The following INPP5A variants were observed in gnomAD, a reference collection of about 807,000 sequenced individuals.
INPP5A encodes inositol polyphosphate-5-phosphatase A, also known as 43 kDa inositol polyphosphate 5-phophatase.
Under a neutral mutation model 65.2 loss-of-function variants are expected in INPP5A, and 14 were observed. That is an observed-to-expected ratio of 0.21 (90% CI 0.14 to 0.34). INPP5A has a LOEUF of 0.34. Ranked by LOEUF, INPP5A falls within the 10% of genes least tolerant of loss-of-function variation. The pLI is 1.00. For missense variants in INPP5A, 431 were observed against 545.6 expected, an observed-to-expected ratio of 0.79 and a Z score of 2.09; for synonymous variants, 207 against 208.3, an observed-to-expected ratio of 0.99 and a Z score of 0.05.
chr10:132,764,683 G>A lies in INPP5A; in HGVS notation c.904-1090G>A, dbSNP rs576350987. ...TGTGCGTGGTGACACTCAGAAACACGGCCGGGTCAGTCCTGCTGTGGTGGG... is the reference window on the plus strand; with the variant it reads ...TGTGCGTGGTGACACTCAGAAACACAGCCGGGTCAGTCCTGCTGTGGTGGG... On this transcript the variant is annotated intron_variant, in intron 11 of 15. Transcript: ENST00000368594. Among the ~76,000 whole-genome samples, 130 of 132,786 alleles carry A rather than the reference G, an allele frequency of 9.8e-4. 1 individual carries two copies. The highest frequency in any genetic ancestry group is 5.6e-3 in the Middle Eastern group (1 of 180). 87.1% of individuals were successfully genotyped at this position (132,786 alleles called of 152,430 possible).
At chr10:132,654,952 C>A (rs2072634292) in intron 4 of INPP5A, among the ~76,000 whole-genome samples, 1 of 152,222 alleles carries the variant, frequency 6.6e-6, no homozygotes, top group Non-Finnish European at 1.5e-5. Flanking sequence ...CAGAAGGCAA[C>A]TTTTAATGCT....
chr10:132,722,607 A>G (rs932721331), intron 8 of INPP5A, among the ~76,000 whole-genome samples: 12 of 152,076 alleles, frequency 7.9e-5, no homozygotes, highest in Non-Finnish European at 1.3e-4. Context: ...ACTCTCCCTA[A>G]GTCTTTAATC....
In INPP5A at chr10:132,782,091, G is replaced by C. The variant is rs2134701050; in HGVS notation, c.*62G>C. On this transcript the variant is annotated 3_prime_UTR_variant, in exon 16 of 16. Coordinates refer to ENST00000368594, the MANE Select transcript of INPP5A (RefSeq NM_005539.5). This position sits in a 1 kb window ranked among gnomAD's most constrained non-coding sequence, Gnocchi z 4.4. ...CTTCGTGAGCCTCCCTGTAGCCGTG[G>C]ACCGAATACGCACTCTTGAAAGCTG... is the stretch of plus-strand genomic sequence containing the variant. 2.6e-6 allele frequency: 4 copies of C among 1,541,556 alleles called. No homozygotes were observed. In the East Asian group the frequency reaches 9.8e-5, roughly 38 times the overall value.
At chr10:132,569,547 G>A (rs1354411007) in intron 1 of INPP5A, among the ~76,000 whole-genome samples, 3 of 152,116 alleles carry the variant, frequency 2.0e-5, no homozygotes, top group Admixed American at 2.0e-4. Flanking sequence ...TTGTAGAGAC[G>A]GGGTCTCAGT....
chr10:132,695,711 A>G (rs1845334631), intron 5 of INPP5A, among the ~76,000 whole-genome samples: 1 of 152,250 alleles, frequency 6.6e-6, no homozygotes, highest in Non-Finnish European at 1.5e-5. Flanking sequence ...AGCAATGAAC[A>G]GGTGGAATTT....
chr10:132,781,525 C>A (rs888394751), intron 14 of INPP5A, among the ~76,000 whole-genome samples: 1 of 152,268 alleles, frequency 6.6e-6, no homozygotes, highest in African/African-American at 2.4e-5. Context: ...GAGCCGAGGA[C>A]GGGAGAGCCT....
At position 132,753,334 on chromosome 10, in the gene INPP5A, G is replaced by A. The variant is rs181767836; in HGVS notation, c.903+3489G>A. 3.0e-3 allele frequency among the ~76,000 whole-genome samples: 457 copies of A among 152,326 alleles called. 3 individuals are homozygous for A. The highest frequency in any genetic ancestry group is 0.011 in the African/African-American group (440 of 41,576). ...CGCAGCCATGGAGAGCAAACTCTCC[G>A]TCCGCAGGATGGATGTGCCTGCGCC... On this transcript the variant is annotated intron_variant, in intron 11 of 15. Coordinates refer to ENST00000368594, the MANE Select transcript of INPP5A (RefSeq NM_005539.5). This position sits in a 1 kb window ranked among gnomAD's most constrained non-coding sequence, Gnocchi z 5.3.
intron 4 of INPP5A, among the ~76,000 whole-genome samples, chr10:132,671,684 T>G (rs2133438713): frequency 6.6e-6 from 1 of 152,336 alleles, no homozygotes; most frequent in Non-Finnish European, 1.5e-5. Context: ...CGTTGGCACA[T>G]GAGCTTCCTG....
At chr10:132,566,532 A>G (rs192967611) in intron 1 of INPP5A, among the ~76,000 whole-genome samples, 1 of 152,340 alleles carries the variant, frequency 6.6e-6, no homozygotes, top group Admixed American at 6.5e-5. Context: ...CATACTAGAA[A>G]CGTAAGGATA....
rs2072769536 is a variant in INPP5A at position 132,663,872 on chromosome 10, CG to C, written c.306+13368del. On this transcript the variant is annotated intron_variant, in intron 4 of 15. Coordinates refer to ENST00000368594, the MANE Select transcript of INPP5A (RefSeq NM_005539.5). The surrounding 1 kb of genome is among the most constrained non-coding windows in gnomAD (Gnocchi z 4.5). ...TCCCCCTGTCGCCGGGTGGGAAATCCGTAACAGGCTCTGTGGCAAAGGCTGG... is the reference window on the plus strand; with the variant it reads ...TCCCCCTGTCGCCGGGTGGGAAATCCTAACAGGCTCTGTGGCAAAGGCTGG... Among the ~76,000 whole-genome samples the C allele has an allele frequency of 6.6e-6, 1 of 152,192 alleles. No homozygotes were observed. Among genetic ancestry groups the C allele is most frequent in the Admixed American group, 6.5e-5 (1 of 15,274 alleles).
chr10:132,539,528 G>C (rs2133236980), intron 1 of INPP5A, among the ~76,000 whole-genome samples: 1 of 152,256 alleles, frequency 6.6e-6, no homozygotes, highest in East Asian at 1.9e-4. Context: ...TGAGGCCCAG[G>C]GCGCACTGGG....
At chr10:132,776,896 T>C (rs182612765) in intron 12 of INPP5A, among the ~76,000 whole-genome samples, 147 of 152,188 alleles carry the variant, frequency 9.7e-4, no homozygotes, top group African/African-American at 3.4e-3. Context: ...ACTGCTCTGC[T>C]GTGTGAGGGC....
intron 2 of INPP5A, among the ~76,000 whole-genome samples, chr10:132,624,017 C>T (rs930048635): frequency 2.6e-5 from 4 of 152,198 alleles, no homozygotes; most frequent in Non-Finnish European, 4.4e-5. Context: ...CCTGACAATA[C>T]TCAGTGTTGA....
At chr10:132,765,728 A>G (rs1846830303) in intron 11 of INPP5A, 45 bp from the exon 12 acceptor site, 1 of 1,225,536 alleles carries the variant, frequency 8.2e-7, no homozygotes, top group African/African-American at 1.5e-5. Context: ...GCCCCCAGCG[A>G]GGAAAACCAA....
intron 5 of INPP5A, among the ~76,000 whole-genome samples, chr10:132,695,022 C>A (rs1343404574): frequency 6.6e-6 from 1 of 152,048 alleles, no homozygotes; most frequent in Non-Finnish European, 1.5e-5. Flanking sequence ...GGACAAACGT[C>A]CTAAATCATT....
Position 132,575,555 on chromosome 10 carries a change from C to T in INPP5A, c.76-32360C>T, listed in dbSNP as rs2071403427. ...AAAGGGGAAAGCAATGAGCACTATC[C>T]TACTTCCCTAACCCAACCACAAGCA... On this transcript the variant is annotated intron_variant, in intron 1 of 15. Coordinates refer to ENST00000368594, the MANE Select transcript of INPP5A (RefSeq NM_005539.5). This position sits in a 1 kb window ranked among gnomAD's most constrained non-coding sequence, Gnocchi z 5.4. Among the ~76,000 whole-genome samples, 1 of 152,202 alleles carries T rather than the reference C, an allele frequency of 6.6e-6. No homozygotes were observed. The highest frequency in any genetic ancestry group is 2.1e-4 in the South Asian group (1 of 4,814).
At chr10:132,709,406 G>A (rs1845595246) in intron 7 of INPP5A, among the ~76,000 whole-genome samples, 1 of 147,468 alleles carries the variant, frequency 6.8e-6, no homozygotes, top group Non-Finnish European at 1.5e-5. Context: ...GGAGGAAGGA[G>A]GGGGAGAGAA....
chr10:132,720,432 T>C, intron 8 of INPP5A, among the ~76,000 whole-genome samples: 1 of 142,566 alleles, frequency 7.0e-6, no homozygotes, highest in East Asian at 2.0e-4. Flanking sequence ...GGGTTCTGTC[T>C]GGGCGCCTTA....
intron 1 of INPP5A, among the ~76,000 whole-genome samples, chr10:132,570,637 T>C (rs531004232): frequency 6.6e-6 from 1 of 152,290 alleles, no homozygotes; most frequent in East Asian, 1.9e-4. Context: ...TATTTCGTTT[T>C]CAGCTCTTGT....
Sources: allele counts gnomAD v4.1 joint callset (sites outside exome capture counted in the v4.1 genomes callset), GRCh38; gene constraint gnomAD v4.1.1; non-coding constraint Gnocchi (gnomAD v3.1); transcripts MANE v1.5; gene names NCBI Gene and HGNC (gene_info 2026-07-23, HGNC 2026-07-21).